The following C1QTNF5 variants were observed in gnomAD, a reference collection of about 807,000 sequenced individuals.
The protein encoded by C1QTNF5 is C1q and TNF related 5.
In C1QTNF5, 5 loss-of-function variants were observed where a neutral mutation model predicts 10.9. That is an observed-to-expected ratio of 0.46 (90% CI 0.24 to 0.97). The LOEUF (loss-of-function observed/expected upper bound fraction) is 0.97, where lower values mean the gene tolerates loss of function less well. Ranked by LOEUF, C1QTNF5 falls within the 50% of genes least tolerant of loss-of-function variation. C1QTNF5 has a pLI of 0.19. For missense variants in C1QTNF5, 281 were observed against 339.4 expected, an observed-to-expected ratio of 0.83 and a Z score of 1.35; for synonymous variants, 161 against 156.5, an observed-to-expected ratio of 1.03 and a Z score of -0.22.
At chr11:119,346,350 C>A in the C1QTNF5 span, 1 of 1,613,976 alleles carries the variant, frequency 6.2e-7, no homozygotes. Flanking sequence ...GACTCAGGCT[C>A]GAAGGCAGGA....
the C1QTNF5 span, chr11:119,346,382 G>T: frequency 1.9e-6 from 3 of 1,613,738 alleles, no homozygotes; most frequent in Admixed American, 3.3e-5. Flanking sequence ...GGTCTGGAAG[G>T]GGGAGATACT....
At chr11:119,342,914 C>T, upstream of C1QTNF5, 1 of 1,613,038 alleles carries the variant, frequency 6.2e-7, no homozygotes, top group Non-Finnish European at 8.5e-7. Flanking sequence ...TGAGAAGCCT[C>T]CACTGCTGAT....
chr11:119,343,233 T>C (rs1269454566), upstream of C1QTNF5, among the ~76,000 whole-genome samples: 1 of 152,234 alleles, frequency 6.6e-6, no homozygotes, highest in Non-Finnish European at 1.5e-5. Flanking sequence ...CGAAGCAGCC[T>C]GGCATTGTGG....
upstream of C1QTNF5, chr11:119,344,841 G>A (rs370542720): frequency 1.7e-5 from 28 of 1,613,364 alleles, no homozygotes; most frequent in Non-Finnish European, 2.0e-5. Flanking sequence ...GGAAGAAAGT[G>A]GACACTCAAC....
Position 119,339,139 on chromosome 11 carries a change from C to T in C1QTNF5, c.*192G>A, listed in dbSNP as rs1044817417. Reference sequence around the variant, plus strand: ...TCTTGGGCAGAAATCCAGCCACTGCCCCATGCTGCCAGACCTGATCGCAGA... The same window carrying T: ...TCTTGGGCAGAAATCCAGCCACTGCTCCATGCTGCCAGACCTGATCGCAGA... On this transcript the variant is annotated 3_prime_UTR_variant, in exon 3 of 3. Transcript: ENST00000528368. The surrounding 1 kb of genome is among the most constrained non-coding windows in gnomAD (Gnocchi z 5.4). 9 of 642,600 alleles carry T rather than the reference C, an allele frequency of 1.4e-5. No homozygotes were observed. Among genetic ancestry groups the T allele is most frequent in the Non-Finnish European group, 2.4e-5 (9 of 380,090 alleles). 39.8% of individuals were successfully genotyped at this position (642,600 alleles called of 1,614,324 possible).
Position 119,339,355 on chromosome 11 carries a change from C to T in C1QTNF5, c.708G>A (p.Trp236Ter). Residue 236 changes from tryptophan (W) to a stop codon, truncating the protein, a stop_gained, in exon 3 of 3, where the codon TGG (tryptophan) becomes TGA (stop). Transcript: ENST00000528368. LOFTEE classifies it high-confidence loss of function. This position sits in a 1 kb window ranked among gnomAD's most constrained non-coding sequence, Gnocchi z 5.4. Reference sequence around the variant, plus strand: ...ACTAAGCAAAGACTGGGGAGCTGTGCCAGTCGGAGTACACCAGAAATCCGG... The same window carrying T: ...ACTAAGCAAAGACTGGGGAGCTGTGTCAGTCGGAGTACACCAGAAATCCGG... ...TFSGFLVYSD[W>*]HSSPVFA 1 of 1,612,876 alleles carries T rather than the reference C, an allele frequency of 6.2e-7. No homozygotes were observed. Among genetic ancestry groups the T allele is most frequent in the Non-Finnish European group, 8.5e-7 (1 of 1,179,270 alleles).
Position 119,339,848 on chromosome 11 carries a change from C to A in C1QTNF5, c.215G>T (p.Gly72Val). 1 of 1,477,904 alleles carries A rather than the reference C, an allele frequency of 6.8e-7. No homozygotes were observed. The highest frequency in any genetic ancestry group is 8.9e-7 in the Non-Finnish European group (1 of 1,122,204). The allele number at this position is 1,477,904 out of a possible 1,614,324, so 91.5% of individuals were successfully genotyped here. The change falls in exon 3 of 3, where the codon GGA becomes GTA. Residue 72 changes from glycine to valine, a missense_variant and splice_region_variant. Coordinates refer to ENST00000528368, the MANE Select transcript of C1QTNF5 (RefSeq NM_001278431.2). This position sits in a 1 kb window ranked among gnomAD's most constrained non-coding sequence, Gnocchi z 5.4. ...GGGGTCCCCTCGAGGTCCCGGCAGT[C>A]CTGCGGGGTAAGCGGGGCGGCAGGG... ...PGEKGEGGRP[G>V]LPGPRGDPGP...
At chr11:119,346,493 G>A in the C1QTNF5 span, 4 of 1,614,114 alleles carry the variant, frequency 2.5e-6, no homozygotes, top group East Asian at 8.9e-5. Context: ...TGCAGAGGAT[G>A]ACATCTGAGA....
In C1QTNF5 at chr11:119,339,515, C is replaced by G. The variant is rs557404721; in HGVS notation, c.548G>C (p.Gly183Ala). Residue 183 changes from glycine (G) to alanine (A), a missense_variant, in exon 3 of 3, where the codon GGG becomes GCG. Coordinates refer to ENST00000528368, the MANE Select transcript of C1QTNF5 (RefSeq NM_001278431.2). The surrounding 1 kb of genome is among the most constrained non-coding windows in gnomAD (Gnocchi z 5.4). ...ESIASFFQFF[G>A]GWPKPASLSG... ...GAGCGAGGCTGGCTTGGGCCACCCC[C>G]CGAAAAACTGGAAGAAAGAGGCAAT... 1.9e-5 allele frequency: 31 copies of G among 1,613,804 alleles called. 1 individual carries two copies. The South Asian group carries it at 3.4e-4, about 18-fold the overall frequency.
At chr11:119,345,845 T>C (rs4639950), upstream of C1QTNF5, 4,566 of 1,613,524 alleles carry the variant, frequency 2.8e-3, 119 homozygotes, top group African/African-American at 0.053. Context: ...GAGGTGGTGA[T>C]GGTGGGGGTG....
upstream of C1QTNF5, chr11:119,341,999 G>A: frequency 6.2e-7 from 1 of 1,613,100 alleles, no homozygotes; most frequent in Non-Finnish European, 8.5e-7. Flanking sequence ...AGGGGTGGAG[G>A]GGAGGGCCAC....
the C1QTNF5 span, chr11:119,346,534 T>G: frequency 6.2e-7 from 1 of 1,613,532 alleles, no homozygotes. Context: ...TCTGCATGGC[T>G]TTCTGGAGTC....
the C1QTNF5 span, chr11:119,346,095 G>A: frequency 6.2e-7 from 1 of 1,608,868 alleles, no homozygotes; most frequent in Non-Finnish European, 8.5e-7. Flanking sequence ...GGAGCAGGCT[G>A]GAGAGCAGGA....
chr11:119,343,192 C>G (rs537606621), upstream of C1QTNF5, among the ~76,000 whole-genome samples: 1 of 152,322 alleles, frequency 6.6e-6, no homozygotes, highest in Admixed American at 6.5e-5. Context: ...ACTGTCTGAA[C>G]TCGAGCCACT....
Position 119,339,729 on chromosome 11 carries a change from C to T in C1QTNF5, c.334G>A (p.Glu112Lys), listed in dbSNP as rs1950478771. The part of the protein sequence containing the change: ...PRSAFSAKRS[E>K]SRVPPPSDAP... ...TCAGACGGCGGAGGCACCCGGCTCT[C>T]GGAGCGCTTGGCGCTGAAGGCGGAT... The change falls in exon 3 of 3, where the codon GAG (glutamate) becomes AAG (lysine). Residue 112 changes from glutamate to lysine, a missense_variant. Coordinates refer to ENST00000528368, the MANE Select transcript of C1QTNF5 (RefSeq NM_001278431.2). The surrounding 1 kb of genome is among the most constrained non-coding windows in gnomAD (Gnocchi z 5.4). The T allele has an allele frequency of 1.3e-6, 2 of 1,599,938 alleles. No individual in the cohort carries two copies. Among genetic ancestry groups the T allele is most frequent in the African/African-American group, 1.3e-5 (1 of 74,898 alleles).
rs774210596 is a variant in C1QTNF5 at position 119,339,867 on chromosome 11, G to A, written c.215-19C>T. On this transcript the variant is annotated intron_variant, in intron 2 of 2. Coordinates refer to ENST00000528368, the MANE Select transcript of C1QTNF5 (RefSeq NM_001278431.2). The surrounding 1 kb of genome is among the most constrained non-coding windows in gnomAD (Gnocchi z 5.4). Reference sequence around the variant, plus strand: ...GGCAGTCCTGCGGGGTAAGCGGGGCGGCAGGGTGAGAGTAGCGGCGGCTCA... The same window carrying A: ...GGCAGTCCTGCGGGGTAAGCGGGGCAGCAGGGTGAGAGTAGCGGCGGCTCA... 6.2e-6 allele frequency: 9 copies of A among 1,457,554 alleles called. No individual in the cohort carries two copies. Among genetic ancestry groups the A allele is most frequent in the East Asian group, 5.0e-5 (2 of 39,870 alleles). The allele number at this position is 1,457,554 out of a possible 1,614,324, so 90.3% of individuals were successfully genotyped here. A position where few individuals can be genotyped will look rare whatever the true frequency, so the allele number is the denominator to read the frequency against.
Position 119,339,937 on chromosome 11 carries a change from G to T in C1QTNF5, c.215-89C>A. The T allele has an allele frequency of 7.2e-7, 1 of 1,393,770 alleles. No individual in the cohort carries two copies. The highest frequency in any genetic ancestry group is 9.3e-7 in the Non-Finnish European group (1 of 1,072,982). The allele number at this position is 1,393,770 out of a possible 1,614,324, so 86.3% of individuals were successfully genotyped here. A position where few individuals can be genotyped will look rare whatever the true frequency, so the allele number is the denominator to read the frequency against. On this transcript the variant is annotated intron_variant, in intron 2 of 2. Transcript: ENST00000528368. This position sits in a 1 kb window ranked among gnomAD's most constrained non-coding sequence, Gnocchi z 5.4. ...CTCTAAGGTCACCGTACCCCTCCCC[G>T]CCCCTGCCTGAGCTTCGGCCAGCGC...
chr11:119,344,537 C>T (rs905873620), upstream of C1QTNF5: 132 of 1,602,722 alleles, frequency 8.2e-5, no homozygotes, highest in African/African-American at 6.6e-4. Flanking sequence ...GAAATGCTGA[C>T]GGAGGGCCCG....
At chr11:119,345,935 G>T (rs759286103), upstream of C1QTNF5, 1 of 1,613,790 alleles carries the variant, frequency 6.2e-7, no homozygotes, top group Admixed American at 1.7e-5. Context: ...AGCTCTGGAG[G>T]CGAGAAGATG....
Sources: gnomAD v4.1 joint callset for allele counts (sites outside exome capture counted in the v4.1 genomes callset) on GRCh38, gnomAD v4.1.1 for gene constraint, Gnocchi (gnomAD v3.1) non-coding constraint, MANE v1.5 for transcripts, NCBI Gene and HGNC (gene_info 2026-07-23, HGNC 2026-07-21) for gene names.